The following ANO4 variants were observed in gnomAD, a reference collection of about 807,000 sequenced individuals.
ANO4 encodes the protein anoctamin 4.
Under a neutral mutation model 141.9 loss-of-function variants are expected in ANO4, and 69 were observed. That is an observed-to-expected ratio of 0.49 (90% CI 0.40 to 0.59). The LOEUF (loss-of-function observed/expected upper bound fraction) is 0.59, where lower values mean the gene tolerates loss of function less well. Ranked by LOEUF, ANO4 falls within the 20% of genes least tolerant of loss-of-function variation. The pLI is 0.00. For missense variants in ANO4, 894 were observed against 1,162.2 expected, an observed-to-expected ratio of 0.77 and a Z score of 3.36; for synonymous variants, 350 against 394.3, an observed-to-expected ratio of 0.89 and a Z score of 1.33.
intron 3 of ANO4, among the ~76,000 whole-genome samples, chr12:100,927,326 C>T (rs1004917767): frequency 5.9e-5 from 9 of 152,196 alleles, no homozygotes; most frequent in Middle Eastern, 3.4e-3. Context: ...AACAACATTA[C>T]AGTGCAATTC....
chr12:100,717,484 C>G (rs2030652897), upstream of ANO4: 5 of 398,466 alleles, frequency 1.3e-5, no homozygotes, highest in Non-Finnish European at 2.2e-5. Flanking sequence ...GGGGGCCGCT[C>G]TAGCCGACGC....
chr12:101,094,182 C>T, intron 17 of ANO4, 74 bp from the exon 18 acceptor site: 6 of 1,194,930 alleles, frequency 5.0e-6, no homozygotes, highest in Non-Finnish European at 6.2e-6. Context: ...GATTTGACTC[C>T]CTATTTCCTT....
intron 8 of ANO4, among the ~76,000 whole-genome samples, chr12:101,017,019 T>G (rs925727699): frequency 6.6e-6 from 1 of 152,158 alleles, no homozygotes; most frequent in Admixed American, 6.5e-5. Flanking sequence ...GAGCTAAAAG[T>G]CGCTCCTCCT....
intron 26 of ANO4, 35 bp from the exon 27 acceptor site, chr12:101,126,844 T>C (rs374354508): frequency 1.4e-5 from 22 of 1,581,706 alleles, no homozygotes; most frequent in Middle Eastern, 1.7e-4. Flanking sequence ...GGATGCACAG[T>C]AGACCTGACG....
intron 9 of ANO4, among the ~76,000 whole-genome samples, chr12:101,022,711 A>T (rs1008176252): frequency 2.6e-5 from 4 of 152,154 alleles, no homozygotes; most frequent in African/African-American, 9.7e-5. Flanking sequence ...TTCACTAATA[A>T]TGGTATTATC....
intron 13 of ANO4, among the ~76,000 whole-genome samples, chr12:101,045,160 A>C (rs2047570450): frequency 6.6e-6 from 1 of 152,254 alleles, no homozygotes; most frequent in African/African-American, 2.4e-5. Context: ...TAGAACAATA[A>C]TAATTATAAT....
chr12:100,929,238 C>A (rs2041994420), intron 3 of ANO4, among the ~76,000 whole-genome samples: 1 of 151,840 alleles, frequency 6.6e-6, no homozygotes, highest in Non-Finnish European at 1.5e-5. Flanking sequence ...TATTTTTGTA[C>A]CCATTAACCA....
At chr12:100,801,722 A>C (rs1162719829) in intron 1 of ANO4, among the ~76,000 whole-genome samples, 1 of 108,630 alleles carries the variant, frequency 9.2e-6, no homozygotes, top group Non-Finnish European at 1.7e-5. Context: ...GCCAGCAATC[A>C]GGTGACTTTG....
chr12:100,747,633 G>C (rs1235768655), intron 3 of ANO4, among the ~76,000 whole-genome samples: 1 of 152,230 alleles, frequency 6.6e-6, no homozygotes, highest in Non-Finnish European at 1.5e-5. Flanking sequence ...CCAGTACTTT[G>C]GGAGGCCAAG....
chr12:100,888,878 T>A lies in ANO4; in HGVS notation c.-140-12768T>A, dbSNP rs114996145. 5.2e-3 allele frequency among the ~76,000 whole-genome samples: 785 copies of A among 151,038 alleles called. 9 individuals are homozygous for A. The highest frequency in any genetic ancestry group is 0.018 in the African/African-American group (736 of 41,210). ...TTCTTTTTATAGGTAGTCTCTTATT[T>A]TTATTATTATTATTATTATACTTCA... On this transcript the variant is annotated intron_variant, in intron 1 of 27. Coordinates refer to ENST00000392977, the MANE Select transcript of ANO4 (RefSeq NM_001286615.2).
intron 1 of ANO4, among the ~76,000 whole-genome samples, chr12:100,886,693 A>G (rs1368835551): frequency 2.0e-5 from 3 of 152,214 alleles, no homozygotes; most frequent in Admixed American, 1.3e-4. Context: ...ATTAGAACTC[A>G]GTCACACTCA....
At chr12:100,894,401 A>G (rs1258674861) in intron 1 of ANO4, among the ~76,000 whole-genome samples, 1 of 152,044 alleles carries the variant, frequency 6.6e-6, no homozygotes, top group African/African-American at 2.4e-5. Flanking sequence ...GGGCGGTCCT[A>G]CGTGGGTTAG....
intron 1 of ANO4, among the ~76,000 whole-genome samples, chr12:100,895,687 G>A (rs1485385759): frequency 6.6e-6 from 1 of 150,724 alleles, no homozygotes; most frequent in African/African-American, 2.5e-5. Flanking sequence ...TCAGTCTCCC[G>A]AGTAGTTGGG....
chr12:100,808,514 G>A (rs775919602), intron 1 of ANO4, among the ~76,000 whole-genome samples: 3 of 152,118 alleles, frequency 2.0e-5, no homozygotes, highest in Admixed American at 6.5e-5. Context: ...CCAACCTGTC[G>A]TCACACAGGG....
intron 18 of ANO4, among the ~76,000 whole-genome samples, chr12:101,094,540 A>G (rs1384533023): frequency 1.3e-5 from 2 of 152,204 alleles, no homozygotes; most frequent in East Asian, 3.8e-4. Context: ...TTTTCTCTTC[A>G]TGCACAAAAA....
intron 25 of ANO4, 48 bp downstream of exon 25, chr12:101,116,846 C>T (rs764161653): frequency 1.6e-5 from 25 of 1,612,578 alleles, no homozygotes; most frequent in East Asian, 2.2e-5. Flanking sequence ...GCTGGCTCCA[C>T]CGTGGGGAGG....
At chr12:100,970,663 C>CGCCTGCCTTCCTTCCTTCCTTCCT (rs372004015) in intron 5 of ANO4, among the ~76,000 whole-genome samples, 1 of 91,664 alleles carries the variant, frequency 1.1e-5, no homozygotes, top group Non-Finnish European at 2.2e-5. Context: ...CTCCCTCCCT[C>CGCCTGCCTTCCTTCCTTCCTTCCT]TCCTTCCTTC....
intron 7 of ANO4, among the ~76,000 whole-genome samples, chr12:100,984,196 A>G (rs534320533): frequency 1.3e-5 from 2 of 152,244 alleles, no homozygotes; most frequent in African/African-American, 4.8e-5. Context: ...TCCCAGGTTC[A>G]AGTGATTTTC....
At chr12:100,834,051 G>A (rs1199936812) in intron 1 of ANO4, among the ~76,000 whole-genome samples, 1 of 152,144 alleles carries the variant, frequency 6.6e-6, no homozygotes, top group Middle Eastern at 3.2e-3. Context: ...AGAGAACCAA[G>A]CTTGGGAATG....
Sources: allele counts gnomAD v4.1 joint callset (sites outside exome capture counted in the v4.1 genomes callset), GRCh38; gene constraint gnomAD v4.1.1; transcripts MANE v1.5; gene names NCBI Gene and HGNC (gene_info 2026-07-23, HGNC 2026-07-21).